EPB41L4A: variants seen among roughly 807,000 people sequenced by gnomAD.
EPB41L4A encodes the protein band 4.1-like protein 4A.
Under a neutral mutation model 108.6 loss-of-function variants are expected in EPB41L4A, and 100 were observed. The observed-to-expected ratio is 0.92, with a 90% CI of 0.78 to 1.09. The LOEUF is 1.09. Ranked by LOEUF, EPB41L4A falls within the 50% of genes least tolerant of loss-of-function variation. The probability of loss-of-function intolerance (pLI) is 0.00; values close to 1 mark genes in which losing one functional copy is unlikely to be tolerated. For synonymous variants in EPB41L4A, 319 were observed against 289.0 expected (o/e 1.10, Z -1.05); for missense variants, 1,030 against 842.7 (o/e 1.22, Z -2.75).
At chr5:112,252,042 A>C (rs537652685) in intron 9 of EPB41L4A, among the ~76,000 whole-genome samples, 1 of 100,088 alleles carries the variant, frequency 1.0e-5, no homozygotes, top group East Asian at 3.0e-4. Context: ...AGAATTGAGC[A>C]AATGAGTAAA....
chr5:112,291,863 T>C (rs1753663300), intron 2 of EPB41L4A, among the ~76,000 whole-genome samples: 2 of 152,242 alleles, frequency 1.3e-5, no homozygotes, highest in African/African-American at 4.8e-5. Context: ...TCTGCGTTTC[T>C]GAGTTTTGTA....
At chr5:112,358,651 C>T (rs1758517105) in intron 1 of EPB41L4A, among the ~76,000 whole-genome samples, 1 of 152,164 alleles carries the variant, frequency 6.6e-6, no homozygotes, top group South Asian at 2.1e-4. Context: ...GCTGTCAGTA[C>T]CTTCTAAAGC....
chr5:112,152,780 A>C (rs148595341), intron 12 of EPB41L4A, among the ~76,000 whole-genome samples: 317 of 152,362 alleles, frequency 2.1e-3, no homozygotes, highest in Non-Finnish European at 3.2e-3. Flanking sequence ...ACACACCAAT[A>C]AAAGTTCATG....
intron 20 of EPB41L4A, 35 bp from the exon 21 acceptor site, chr5:112,169,140 C>T (rs756767432): frequency 1.4e-6 from 2 of 1,456,730 alleles, no homozygotes; most frequent in Admixed American, 3.3e-5. Flanking sequence ...AAAACAAACA[C>T]CCAAAGTCAG....
intron 17 of EPB41L4A, among the ~76,000 whole-genome samples, chr5:112,187,030 T>A (rs1198643094): frequency 6.6e-6 from 1 of 152,218 alleles, no homozygotes; most frequent in African/African-American, 2.4e-5. Context: ...GCTCCTTTCC[T>A]GCTCTATTTT....
intron 15 of EPB41L4A, among the ~76,000 whole-genome samples, chr5:112,197,454 A>G (rs1372234474): frequency 6.6e-6 from 1 of 152,228 alleles, no homozygotes; most frequent in Non-Finnish European, 1.5e-5. Flanking sequence ...TATTTAGCAT[A>G]AACACAATTA....
At chr5:112,165,238 C>A (rs904384563) in intron 22 of EPB41L4A, 120 bp from the exon 23 acceptor site, 2 of 733,512 alleles carry the variant, frequency 2.7e-6, no homozygotes, top group Admixed American at 2.6e-5. Context: ...TCAAAAGTTT[C>A]ATAATACCAA....
chr5:112,260,064 G>A, intron 7 of EPB41L4A, 85 bp from the exon 8 acceptor site: 1 of 998,246 alleles, frequency 1.0e-6, no homozygotes, highest in Non-Finnish European at 1.6e-6. Context: ...AATATAATTT[G>A]TTACATTAAT....
intron 1 of EPB41L4A, among the ~76,000 whole-genome samples, chr5:112,342,645 C>A (rs1757388599): frequency 2.0e-5 from 3 of 152,284 alleles, no homozygotes; most frequent in Non-Finnish European, 4.4e-5. Context: ...CAGCCAGCAG[C>A]AGGAGCAACT....
At chr5:112,301,751 T>C (rs1754377474) in intron 2 of EPB41L4A, among the ~76,000 whole-genome samples, 1 of 152,162 alleles carries the variant, frequency 6.6e-6, no homozygotes. Context: ...TTAATAATTA[T>C]TAAAATGCAT....
intron 17 of EPB41L4A, among the ~76,000 whole-genome samples, chr5:112,189,585 A>G (rs1471314531): frequency 6.6e-6 from 1 of 152,082 alleles, no homozygotes; most frequent in African/African-American, 2.4e-5. Flanking sequence ...CCTGTTGTCA[A>G]TTTCCTCTAG....
At position 112,170,842 on chromosome 5, in the gene EPB41L4A, C is replaced by T. The variant is rs1442429078; in HGVS notation, c.1670+103G>A. 8.1e-6 allele frequency: 8 copies of T among 983,840 alleles called. No homozygotes were observed. The East Asian group carries it at 1.2e-4, about 15-fold the overall frequency. The allele number at this position is 983,840 out of a possible 1,614,324, so 60.9% of individuals were successfully genotyped here. The stretch of plus-strand genomic sequence containing the variant: ...CCACACACAGTGGCAATGGCTTTGG[C>T]AGGCATCACGCTGAAGTTGCCTCTC... On this transcript the variant is annotated intron_variant, in intron 19 of 22. Transcript: ENST00000261486.
chr5:112,247,640 C>A (rs1750345032), intron 9 of EPB41L4A, among the ~76,000 whole-genome samples: 1 of 152,156 alleles, frequency 6.6e-6, no homozygotes, highest in Admixed American at 6.6e-5. Context: ...CCAAAGACTT[C>A]CAAGACTTTT....
At chr5:112,298,451 T>G (rs1754151668) in intron 2 of EPB41L4A, among the ~76,000 whole-genome samples, 1 of 152,206 alleles carries the variant, frequency 6.6e-6, no homozygotes, top group African/African-American at 2.4e-5. Context: ...ATCATGTGAT[T>G]TTTGTTTTTA....
intron 4 of EPB41L4A, among the ~76,000 whole-genome samples, chr5:112,272,600 C>T (rs999416443): frequency 2.0e-5 from 3 of 151,352 alleles, no homozygotes; most frequent in African/African-American, 7.3e-5. Flanking sequence ...CCCAACATGG[C>T]GAAACCCTGA....
rs115967192 is a variant in EPB41L4A, at chr5:112,371,000, C to A, written c.99+47941G>T. ...GCTGTTGTTTAGAACATGGAAATAA[C>A]CTCACTCATTCGTGCAATACCTTCT... On this transcript the variant is annotated intron_variant, in intron 1 of 22. Transcript: ENST00000261486. 5.9e-3 allele frequency among the ~76,000 whole-genome samples: 896 copies of A among 152,314 alleles called. 9 individuals are homozygous for A. Among genetic ancestry groups the A allele is most frequent in the African/African-American group, 0.02 (829 of 41,578 alleles).
chr5:112,243,198 G>A (rs984692020), intron 9 of EPB41L4A, among the ~76,000 whole-genome samples: 1 of 145,210 alleles, frequency 6.9e-6, no homozygotes, highest in Non-Finnish European at 1.5e-5. Flanking sequence ...TGGGTGATAA[G>A]AATGAGACTC....
intron 9 of EPB41L4A, among the ~76,000 whole-genome samples, chr5:112,245,043 T>A (rs1308335528): frequency 6.6e-6 from 1 of 151,628 alleles, no homozygotes; most frequent in Non-Finnish European, 1.5e-5. Context: ...ATTGACAGGG[T>A]TGCCACAAAT....
chr5:112,175,121 G>T (rs1403259988), intron 18 of EPB41L4A: 1 of 152,168 alleles, frequency 6.6e-6, no homozygotes, highest in African/African-American at 2.4e-5. Context: ...CGCCCTGACG[G>T]CCTCATCTTC....
Sources: allele counts gnomAD v4.1 joint callset (sites outside exome capture counted in the v4.1 genomes callset), GRCh38; gene constraint gnomAD v4.1.1; transcripts MANE v1.5; gene names NCBI Gene and HGNC (gene_info 2026-07-23, HGNC 2026-07-21).